The following IQGAP2 variants were observed in gnomAD, a reference collection of about 807,000 sequenced individuals.
IQGAP2 encodes the protein ras GTPase-activating-like protein IQGAP2.
Under a neutral mutation model 201.3 loss-of-function variants are expected in IQGAP2, and 173 were observed. The observed-to-expected ratio is 0.86, with a 90% CI of 0.76 to 0.98. The LOEUF (loss-of-function observed/expected upper bound fraction) is 0.98, where lower values mean the gene tolerates loss of function less well. IQGAP2 is among the 50% of genes least tolerant of loss of function. IQGAP2 has a pLI of 0.00. For missense variants in IQGAP2, 1,687 were observed against 1,864.8 expected, an observed-to-expected ratio of 0.90 and a Z score of 1.76; for synonymous variants, 675 against 673.9, an observed-to-expected ratio of 1.00 and a Z score of -0.03.
At chr5:76,416,859 TACTC>T (rs1751435926) in intron 1 of IQGAP2, among the ~76,000 whole-genome samples, 1 of 149,166 alleles carries the variant, frequency 6.7e-6, no homozygotes, top group African/African-American at 2.5e-5. Flanking sequence ...ACAGGGATCT[TACTC>T]TATCACCCAG....
At chr5:76,673,277 G>A (rs1452529121) in intron 24 of IQGAP2, among the ~76,000 whole-genome samples, 172 bp from the exon 25 acceptor site, 2 of 152,168 alleles carry the variant, frequency 1.3e-5, no homozygotes, top group South Asian at 4.1e-4. Flanking sequence ...CCAAGTTGCA[G>A]AAGGTACCCT....
chr5:76,541,068 T>C lies in IQGAP2; in HGVS notation c.147-21328T>C, dbSNP rs1354636383. On this transcript the variant is annotated intron_variant, in intron 2 of 35. Transcript: ENST00000274364. ...ATTTACCATTCTAACCATTTTTAAA[T>C]GGACAATCTAGTGGCATTAAGTACA... Among the ~76,000 whole-genome samples the C allele has an allele frequency of 3.3e-5, 5 of 152,334 alleles. No homozygotes were observed. In the East Asian group the frequency reaches 9.6e-4, roughly 29 times the overall value.
intron 2 of IQGAP2, among the ~76,000 whole-genome samples, chr5:76,552,043 C>T (rs1246582053): frequency 1.3e-5 from 2 of 152,186 alleles, no homozygotes; most frequent in Non-Finnish European, 2.9e-5. Context: ...GAGCCTTCCT[C>T]GCCCCTGGGC....
intron 13 of IQGAP2, chr5:76,617,673 C>T (rs1289336222): frequency 6.2e-7 from 1 of 1,613,842 alleles, no homozygotes; most frequent in Non-Finnish European, 8.5e-7. Flanking sequence ...ACTACCCAGG[C>T]ACAAAGCTAT....
At chr5:76,405,327 C>G (rs970024972) in intron 1 of IQGAP2, among the ~76,000 whole-genome samples, 1 of 152,164 alleles carries the variant, frequency 6.6e-6, no homozygotes, top group Admixed American at 6.5e-5. Context: ...TCCACAGGGC[C>G]GCTTTCTTTG....
chr5:76,412,255 G>A (rs1280046280), intron 1 of IQGAP2, among the ~76,000 whole-genome samples: 2 of 152,016 alleles, frequency 1.3e-5, no homozygotes, highest in African/African-American at 4.8e-5. Context: ...ATTTCTAATT[G>A]GTTGTTCTTT....
chr5:76,465,070 T>C (rs1348105160), intron 2 of IQGAP2, among the ~76,000 whole-genome samples: 1 of 152,188 alleles, frequency 6.6e-6, no homozygotes, highest in Non-Finnish European at 1.5e-5. Context: ...AATTCATTCT[T>C]CTGAGGCCTA....
Position 76,562,564 on chromosome 5 carries a change from C to G in IQGAP2, c.303+12C>G. ...AAACACGTTATAAGGTAACCAAGATCTAATTGGTTTTGGCTTCCAGCTAAA... is the reference window on the plus strand; with the variant it reads ...AAACACGTTATAAGGTAACCAAGATGTAATTGGTTTTGGCTTCCAGCTAAA... On this transcript the variant is annotated intron_variant, in intron 3 of 35. Coordinates refer to ENST00000274364, the MANE Select transcript of IQGAP2 (RefSeq NM_006633.5). The G allele has an allele frequency of 6.2e-7, 1 of 1,605,842 alleles. No homozygotes were observed. The highest frequency in any genetic ancestry group is 1.3e-5 in the African/African-American group (1 of 74,682).
At position 76,510,614 on chromosome 5, in the gene IQGAP2, T is replaced by G. The variant is rs1757904658; in HGVS notation, c.146+48945T>G. The G allele has an allele frequency of 5.8e-6, 3 of 513,952 alleles. No homozygotes were observed. In the Admixed American group the frequency reaches 6.3e-5, roughly 11 times the overall value. 31.8% of individuals were successfully genotyped at this position (513,952 alleles called of 1,614,324 possible). ...CAGTGTGCCATCGATGTCCTCTAGATCAGAGGGGCCCAGGGAGGTGACTAC... is the reference window on the plus strand; with the variant it reads ...CAGTGTGCCATCGATGTCCTCTAGAGCAGAGGGGCCCAGGGAGGTGACTAC... On this transcript the variant is annotated intron_variant, in intron 2 of 35. Transcript: ENST00000274364.
intron 5 of IQGAP2, among the ~76,000 whole-genome samples, chr5:76,579,218 G>A (rs532338366): frequency 1.3e-4 from 20 of 152,194 alleles, no homozygotes; most frequent in African/African-American, 4.6e-4. Flanking sequence ...TTTATAACTA[G>A]TTTTGAGTTG....
chr5:76,448,073 G>T (rs1034626491), intron 1 of IQGAP2, among the ~76,000 whole-genome samples: 2 of 152,200 alleles, frequency 1.3e-5, no homozygotes, highest in Admixed American at 1.3e-4. Context: ...AGGCTGGTTT[G>T]CATCTCCTAA....
At chr5:76,501,643 C>CTTTTT (rs56929376) in intron 2 of IQGAP2, among the ~76,000 whole-genome samples, 4 of 101,100 alleles carry the variant, frequency 4.0e-5, no homozygotes, top group Non-Finnish European at 7.4e-5. Context: ...TTTTCCTTTT[C>CTTTTT]TTTTTTTTTT....
chr5:76,671,131 T>C (rs1045896619), intron 23 of IQGAP2, among the ~76,000 whole-genome samples: 2 of 151,884 alleles, frequency 1.3e-5, no homozygotes, highest in Non-Finnish European at 2.9e-5. Flanking sequence ...CATGGTGGCA[T>C]GTGCCTGTAA....
intron 2 of IQGAP2, among the ~76,000 whole-genome samples, chr5:76,556,079 G>A (rs1743924579): frequency 6.6e-6 from 1 of 152,202 alleles, no homozygotes; most frequent in Non-Finnish European, 1.5e-5. Flanking sequence ...AGGTAGAAGA[G>A]AAGAGAGAGA....
chr5:76,690,498 C>G (rs1367000164), intron 30 of IQGAP2, among the ~76,000 whole-genome samples: 1 of 152,132 alleles, frequency 6.6e-6, no homozygotes, highest in East Asian at 1.9e-4. Context: ...GGCCACAGTC[C>G]TAAGACTAAC....
chr5:76,458,125 A>G (rs1344724592), intron 1 of IQGAP2, among the ~76,000 whole-genome samples: 1 of 152,212 alleles, frequency 6.6e-6, no homozygotes, highest in Non-Finnish European at 1.5e-5. Flanking sequence ...AAGGGCTGCA[A>G]TGTTGACAGA....
At chr5:76,698,331 C>T (rs905670703) in intron 33 of IQGAP2, among the ~76,000 whole-genome samples, 184 bp downstream of exon 33, 17 of 152,122 alleles carry the variant, frequency 1.1e-4, no homozygotes, top group African/African-American at 4.1e-4. Context: ...TAAGTGAAAG[C>T]TTTTCAATTC....
chr5:76,635,111 T>C (rs976895048), intron 15 of IQGAP2, among the ~76,000 whole-genome samples: 1 of 152,240 alleles, frequency 6.6e-6, no homozygotes, highest in African/African-American at 2.4e-5. Flanking sequence ...TAATGTCCCC[T>C]GTCTCATCCT....
intron 2 of IQGAP2, among the ~76,000 whole-genome samples, chr5:76,492,136 T>C (rs1756588101): frequency 6.6e-6 from 1 of 152,160 alleles, no homozygotes; most frequent in Non-Finnish European, 1.5e-5. Flanking sequence ...TGAAAAGGGA[T>C]TCGGAGAAGT....
Sources: gnomAD v4.1 joint callset for allele counts (sites outside exome capture counted in the v4.1 genomes callset) on GRCh38, gnomAD v4.1.1 for gene constraint, MANE v1.5 for transcripts, NCBI Gene and HGNC (gene_info 2026-07-23, HGNC 2026-07-21) for gene names.